The following FBXO42 variants were observed in gnomAD, a reference collection of about 807,000 sequenced individuals.
FBXO42 encodes the protein F-box only protein 42.
In FBXO42, 12 loss-of-function variants were observed where a neutral mutation model predicts 71.7. That is an observed-to-expected ratio of 0.17 (90% CI 0.11 to 0.27). FBXO42 has a LOEUF of 0.27. FBXO42 is among the 10% of genes least tolerant of loss of function. The probability of loss-of-function intolerance (pLI) is 1.00; values close to 1 mark genes in which losing one functional copy is unlikely to be tolerated. For synonymous variants in FBXO42, 325 were observed against 327.5 expected (o/e 0.99, Z 0.08); for missense variants, 707 against 911.9 (o/e 0.78, Z 2.89).
chr1:16,254,148 T>C (rs2081617153), intron 6 of FBXO42, among the ~76,000 whole-genome samples: 1 of 152,188 alleles, frequency 6.6e-6, no homozygotes, highest in Admixed American at 6.5e-5. Context: ...ACCCTCCCTC[T>C]GCTCTTTCCA....
chr1:16,281,130 T>C (rs1325728595), intron 4 of FBXO42, among the ~76,000 whole-genome samples: 1 of 152,082 alleles, frequency 6.6e-6, no homozygotes, highest in Admixed American at 6.6e-5. Context: ...ACCTGGCTAA[T>C]TTTGTATTTT....
At chr1:16,317,624 AACAG>A (rs1208334507) in intron 1 of FBXO42, among the ~76,000 whole-genome samples, 1 of 146,154 alleles carries the variant, frequency 6.8e-6, no homozygotes. Flanking sequence ...CAAACAAACA[AACAG>A]AAGACAGAAG....
chr1:16,336,204 T>C (rs1006181345), intron 1 of FBXO42, among the ~76,000 whole-genome samples: 3 of 151,012 alleles, frequency 2.0e-5, no homozygotes. Context: ...TCCCGAAGTG[T>C]TGGGATTACA....
rs2081595646 is a variant in FBXO42 at position 16,251,845 on chromosome 1, TCAAA to T, written c.1039-64_1039-61del. On this transcript the variant is annotated intron_variant, in intron 9 of 9. Transcript: ENST00000375592. This position sits in a 1 kb window ranked among gnomAD's most constrained non-coding sequence, Gnocchi z 4.5. ...ATGATTCTGATTGTTCATTCAACTG[TCAAA>T]CATTTTATCATGAGCATCTGTCATG... The T allele has an allele frequency of 1.9e-6, 3 of 1,539,568 alleles. No individual in the cohort carries two copies. The highest frequency in any genetic ancestry group is 1.8e-6 in the Non-Finnish European group (2 of 1,142,730).
rs550338235 is a variant in FBXO42 at position 16,324,047 on chromosome 1, T to C, written c.-17-8612A>G. 1.1e-4 allele frequency among the ~76,000 whole-genome samples: 16 copies of C among 152,166 alleles called. No individual in the cohort carries two copies. The South Asian group carries it at 3.3e-3, about 32-fold the overall frequency. Reference sequence around the variant, plus strand: ...TGAAAATATACTGTTGAATGAGAGATTTAAAGAAGATCATAAAGTGATTCA... The same window carrying C: ...TGAAAATATACTGTTGAATGAGAGACTTAAAGAAGATCATAAAGTGATTCA... On this transcript the variant is annotated intron_variant, in intron 1 of 9. Coordinates refer to ENST00000375592, the MANE Select transcript of FBXO42 (RefSeq NM_018994.3).
chr1:16,267,522 G>C (rs2081791145), intron 4 of FBXO42, among the ~76,000 whole-genome samples: 1 of 152,154 alleles, frequency 6.6e-6, no homozygotes, highest in Non-Finnish European at 1.5e-5. Flanking sequence ...AATGGTTATA[G>C]ATCTCTCAGG....
chr1:16,340,107 C>A (rs952826319), intron 1 of FBXO42, among the ~76,000 whole-genome samples: 1 of 151,450 alleles, frequency 6.6e-6, no homozygotes, highest in Non-Finnish European at 1.5e-5. Context: ...ACCCGGGATG[C>A]GGAGCTTGCA....
At chr1:16,266,349 G>A (rs1352587411) in intron 4 of FBXO42, among the ~76,000 whole-genome samples, 1 of 152,210 alleles carries the variant, frequency 6.6e-6, no homozygotes, top group Non-Finnish European at 1.5e-5. Flanking sequence ...GCTAGGCACA[G>A]TGGCATGTAC....
rs569979517 is a variant in FBXO42, at chr1:16,343,964, A to C, written c.-18+8291T>G. Among the ~76,000 whole-genome samples the C allele has an allele frequency of 5.4e-3, 814 of 151,682 alleles. 9 individuals carry two copies. Among genetic ancestry groups the C allele is most frequent in the African/African-American group, 0.018 (753 of 41,434 alleles). On this transcript the variant is annotated intron_variant, in intron 1 of 9. Coordinates refer to ENST00000375592, the MANE Select transcript of FBXO42 (RefSeq NM_018994.3). The stretch of plus-strand genomic sequence containing the variant: ...CACTTTAGCATGGCAAAAAAAAAAA[A>C]AACAACAACAAAAAAAGAAAACTGC...
At position 16,315,275 on chromosome 1, in the gene FBXO42, C is replaced by T. The variant is rs780984585; in HGVS notation, c.144G>A (p.Ser48=). ...ACTCCAAAACCTCTTCTGGCAGCTC[C>T]GACATGGACCTATTATGTCTAGTCT... ...AEETRHNRSM[S]ELPEEVLEYI... Residue 48 remains serine (S), a synonymous_variant, in exon 2 of 10, where the codon TCG becomes TCA. Coordinates refer to ENST00000375592, the MANE Select transcript of FBXO42 (RefSeq NM_018994.3). 2.5e-5 allele frequency: 41 copies of T among 1,613,972 alleles called. No homozygotes were observed. Among genetic ancestry groups the T allele is most frequent in the East Asian group, 6.7e-5 (3 of 44,894 alleles).
At chr1:16,304,591 C>A (rs1438910187) in intron 3 of FBXO42, among the ~76,000 whole-genome samples, 1 of 152,134 alleles carries the variant, frequency 6.6e-6, no homozygotes, top group Non-Finnish European at 1.5e-5. Context: ...TACAGCTTTC[C>A]TTTGTTTTCC....
intron 1 of FBXO42, among the ~76,000 whole-genome samples, chr1:16,345,761 T>A (rs543387379): frequency 1.6e-3 from 228 of 146,148 alleles, no homozygotes; most frequent in African/African-American, 5.7e-3. Flanking sequence ...GGCAGGAGAA[T>A]GGCATGAACC....
At chr1:16,257,061 A>C (rs1201504392) in intron 4 of FBXO42, among the ~76,000 whole-genome samples, 3 of 152,180 alleles carry the variant, frequency 2.0e-5, no homozygotes, top group African/African-American at 7.2e-5. Flanking sequence ...GGCTGTTTTG[A>C]GTATTAAATA....
intron 4 of FBXO42, among the ~76,000 whole-genome samples, chr1:16,291,180 T>G (rs1311587311): frequency 6.6e-6 from 1 of 152,132 alleles, no homozygotes; most frequent in African/African-American, 2.4e-5. Context: ...CCCTCCAATC[T>G]ACCTACCTCG....
intron 4 of FBXO42, among the ~76,000 whole-genome samples, chr1:16,278,694 T>C (rs538311526): frequency 7.2e-5 from 11 of 152,316 alleles, no homozygotes; most frequent in African/African-American, 2.2e-4. Flanking sequence ...GCCCCATATG[T>C]AACCTTTTTA....
At chr1:16,289,899 A>G (rs1248561192) in intron 4 of FBXO42, among the ~76,000 whole-genome samples, 3 of 152,196 alleles carry the variant, frequency 2.0e-5, no homozygotes, top group Non-Finnish European at 4.4e-5. Context: ...TGGATGACAG[A>G]GTAAGACCTT....
At chr1:16,322,404 C>T (rs1340675877) in intron 1 of FBXO42, among the ~76,000 whole-genome samples, 7 of 152,172 alleles carry the variant, frequency 4.6e-5, no homozygotes, top group Admixed American at 2.0e-4. Flanking sequence ...GGGGAAACCC[C>T]GTCTCTACTA....
chr1:16,311,109 C>T lies in FBXO42; in HGVS notation c.250+4060G>A, dbSNP rs1383258161. The stretch of plus-strand genomic sequence containing the variant: ...TGGGGAATGGCATGAACCCAGGAGG[C>T]GGAGCTTGCAATAAGCCGAGATCGC... On this transcript the variant is annotated intron_variant, in intron 2 of 9. Coordinates refer to ENST00000375592, the MANE Select transcript of FBXO42 (RefSeq NM_018994.3). Among the ~76,000 whole-genome samples, 2 of 75,972 alleles carry T rather than the reference C, an allele frequency of 2.6e-5. 1 individual carries two copies. Among genetic ancestry groups the T allele is most frequent in the African/African-American group, 1.1e-4 (2 of 17,686 alleles). 49.8% of individuals were successfully genotyped at this position (75,972 alleles called of 152,430 possible). A position where few individuals can be genotyped will look rare whatever the true frequency, so the allele number is the denominator to read the frequency against.
At chr1:16,264,583 G>A (rs2081751129) in intron 4 of FBXO42, among the ~76,000 whole-genome samples, 1 of 152,170 alleles carries the variant, frequency 6.6e-6, no homozygotes, top group Admixed American at 6.5e-5. Flanking sequence ...AAGCGTAGAT[G>A]AACATGTTAC....
Sources: allele counts gnomAD v4.1 joint callset (sites outside exome capture counted in the v4.1 genomes callset), GRCh38; gene constraint gnomAD v4.1.1; non-coding constraint Gnocchi (gnomAD v3.1); transcripts MANE v1.5; gene names NCBI Gene and HGNC (gene_info 2026-07-23, HGNC 2026-07-21).